Variants in KCNH7 observed in about 807,000 individuals in gnomAD.
KCNH7 encodes voltage-gated inwardly rectifying potassium channel KCNH7.
KCNH7 carries 49 observed loss-of-function variants against 120.8 expected under a neutral mutation model. The ratio of observed to expected loss-of-function variants is 0.41; its 90% confidence interval spans 0.32 to 0.51. The LOEUF (loss-of-function observed/expected upper bound fraction) is 0.51, where lower values mean the gene tolerates loss of function less well. Ranked by LOEUF, KCNH7 falls within the 20% of genes least tolerant of loss-of-function variation. KCNH7 has a pLI of 0.38. For missense variants in KCNH7, 1,097 were observed against 1,446.6 expected (o/e 0.76, Z 3.92); for synonymous variants, 547 against 516.1 (o/e 1.06, Z -0.81).
At chr2:162,374,996 C>T (rs1046310113) in intron 14 of KCNH7, among the ~76,000 whole-genome samples, 2 of 152,124 alleles carry the variant, frequency 1.3e-5, no homozygotes, top group Admixed American at 6.6e-5. Flanking sequence ...ACTAAGCAGA[C>T]CCATTATTTC....
At chr2:162,526,731 A>C (rs957633252) in intron 3 of KCNH7, among the ~76,000 whole-genome samples, 2 of 152,000 alleles carry the variant, frequency 1.3e-5, no homozygotes, top group African/African-American at 2.4e-5. Flanking sequence ...GTTCAAACAC[A>C]CATGCTCTAC....
chr2:162,444,176 G>T (rs1239868157), intron 7 of KCNH7, among the ~76,000 whole-genome samples: 1 of 151,970 alleles, frequency 6.6e-6, no homozygotes, highest in Non-Finnish European at 1.5e-5. Context: ...TTTATTAATG[G>T]TCTTTTGCCC....
At chr2:162,493,631 A>C (rs541189272) in intron 6 of KCNH7, among the ~76,000 whole-genome samples, 1 of 152,214 alleles carries the variant, frequency 6.6e-6, no homozygotes, top group Non-Finnish European at 1.5e-5. Context: ...CTGGAGTCAG[A>C]TCTTATCTGT....
At chr2:162,411,676 G>A (rs1687395340) in intron 9 of KCNH7, among the ~76,000 whole-genome samples, 1 of 151,802 alleles carries the variant, frequency 6.6e-6, no homozygotes, top group African/African-American at 2.4e-5. Context: ...TTTCATGAGT[G>A]CAAGGATATT....
intron 6 of KCNH7, among the ~76,000 whole-genome samples, chr2:162,479,973 T>C (rs1274555384): frequency 6.6e-6 from 1 of 152,262 alleles, no homozygotes; most frequent in Middle Eastern, 3.4e-3. Context: ...GTATTGCAAA[T>C]GTAACTTGAT....
intron 2 of KCNH7, among the ~76,000 whole-genome samples, chr2:162,627,499 A>G (rs1683602058): frequency 6.6e-6 from 1 of 152,220 alleles, no homozygotes; most frequent in South Asian, 2.1e-4. Flanking sequence ...TTGCTTATGC[A>G]TAATAAATAC....
chr2:162,417,989 G>A (rs1687589122), intron 9 of KCNH7, among the ~76,000 whole-genome samples: 1 of 152,146 alleles, frequency 6.6e-6, no homozygotes, highest in Non-Finnish European at 1.5e-5. Flanking sequence ...CTGTTCAGGG[G>A]CTGGCTACAG....
chr2:162,406,237 G>C (rs962069654), intron 9 of KCNH7, among the ~76,000 whole-genome samples: 15 of 151,840 alleles, frequency 9.9e-5, no homozygotes, highest in African/African-American at 3.1e-4. Context: ...GTCTCTCCAG[G>C]CTCCTTCCGT....
rs139100725 is a variant in KCNH7, at chr2:162,819,124, T to C, written c.307+17413A>G. Among the ~76,000 whole-genome samples, 1,046 of 152,316 alleles carry C rather than the reference T, an allele frequency of 6.9e-3. 6 individuals are homozygous for C. Among genetic ancestry groups the C allele is most frequent in the Middle Eastern group, 0.054 (16 of 294 alleles). On this transcript the variant is annotated intron_variant, in intron 2 of 15. Transcript: ENST00000332142. ...AGAGACATGCCAACAAACTACAGTA[T>C]GATACTGCTTTAATCCTGAACTGTT...
intron 2 of KCNH7, among the ~76,000 whole-genome samples, chr2:162,724,354 C>T (rs1043142083): frequency 6.6e-6 from 1 of 152,112 alleles, no homozygotes; most frequent in African/African-American, 2.4e-5. Flanking sequence ...AAAATATTAA[C>T]AATAACAAAA....
Position 162,400,355 on chromosome 2 carries a change from C to A in KCNH7, c.2241G>T (p.Arg747=). Residue 747 remains arginine, a synonymous_variant, in exon 10 of 16, where the codon CGG becomes CGT. Transcript: ENST00000332142. ...CTCTAAGGCAACCTTTACTTGCCCCCCGAAAGGCTTTGCAGTTTTGCAGCA... is the reference window on the plus strand; with the variant it reads ...CTCTAAGGCAACCTTTACTTGCCCCACGAAAGGCTTTGCAGTTTTGCAGCA... ...QTLLQNCKAF[R]GASKGCLRAL... 6.2e-7 allele frequency: 1 copy of A among 1,612,430 alleles called. No individual in the cohort carries two copies. Among genetic ancestry groups the A allele is most frequent in the Non-Finnish European group, 8.5e-7 (1 of 1,178,998 alleles).
chr2:162,694,175 A>G (rs1194455829), intron 2 of KCNH7, among the ~76,000 whole-genome samples: 1 of 152,194 alleles, frequency 6.6e-6, no homozygotes, highest in Non-Finnish European at 1.5e-5. Flanking sequence ...TTTACATAGC[A>G]TAAGTATTAT....
chr2:162,443,226 TA>T (rs1317089059), intron 7 of KCNH7, among the ~76,000 whole-genome samples: 2 of 152,214 alleles, frequency 1.3e-5, no homozygotes, highest in Non-Finnish European at 2.9e-5. Flanking sequence ...ACATTTAATT[TA>T]ATGGATCTCA....
At chr2:162,748,032 A>G (rs995304804) in intron 2 of KCNH7, among the ~76,000 whole-genome samples, 15 of 152,186 alleles carry the variant, frequency 9.9e-5, no homozygotes, top group African/African-American at 3.6e-4. Context: ...CTAATGGTGA[A>G]CTTTCAAATT....
intron 2 of KCNH7, among the ~76,000 whole-genome samples, chr2:162,746,163 G>A (rs192907677): frequency 6.6e-6 from 1 of 151,836 alleles, no homozygotes; most frequent in Non-Finnish European, 1.5e-5. Flanking sequence ...TTGGTTTTTA[G>A]ATTTTCAAGC....
At chr2:162,752,403 AT>A (rs1221934727) in intron 2 of KCNH7, among the ~76,000 whole-genome samples, 1 of 152,178 alleles carries the variant, frequency 6.6e-6, no homozygotes, top group Non-Finnish European at 1.5e-5. Flanking sequence ...ACATTTTCTT[AT>A]TTAATGTGTT....
chr2:162,777,886 C>A (rs1435003), intron 2 of KCNH7, among the ~76,000 whole-genome samples: 42,549 of 151,954 alleles, frequency 0.28, 6,906 homozygotes, highest in African/African-American at 0.45. Context: ...TGCATTATCA[C>A]ATTGAATGTA....
intron 2 of KCNH7, among the ~76,000 whole-genome samples, chr2:162,670,846 T>A (rs529474087): frequency 6.6e-6 from 1 of 151,664 alleles, no homozygotes; most frequent in South Asian, 2.1e-4. Flanking sequence ...AAAACAGTAA[T>A]CATGATAAAT....
At chr2:162,654,985 G>A (rs1684695070) in intron 2 of KCNH7, among the ~76,000 whole-genome samples, 1 of 152,100 alleles carries the variant, frequency 6.6e-6, no homozygotes, top group South Asian at 2.1e-4. Flanking sequence ...GGGAAGGGGA[G>A]GAGCAGGATT....
Sources: gnomAD v4.1 joint callset for allele counts (sites outside exome capture counted in the v4.1 genomes callset) on GRCh38, gnomAD v4.1.1 for gene constraint, MANE v1.5 for transcripts, NCBI Gene and HGNC (gene_info 2026-07-23, HGNC 2026-07-21) for gene names.